Variants in RNF150 observed in about 807,000 individuals in gnomAD.
RNF150 encodes ring finger protein 150.
RNF150 carries 24 observed loss-of-function variants against 39.3 expected under a neutral mutation model. That is an observed-to-expected ratio of 0.61 (90% CI 0.44 to 0.86). RNF150 has a LOEUF of 0.86. Among genes scored for constraint, RNF150 ranks in the 40% least tolerant of loss-of-function variants. RNF150 has a pLI of 0.00. For synonymous variants in RNF150, 255 were observed against 227.3 expected (o/e 1.12, Z -1.10); for missense variants, 502 against 587.8 (o/e 0.85, Z 1.51).
intron 1 of RNF150, among the ~76,000 whole-genome samples, chr4:141,049,694 A>G (rs1411826078): frequency 3.3e-5 from 5 of 152,154 alleles, no homozygotes; most frequent in Non-Finnish European, 5.9e-5. Flanking sequence ...TCTGGAGAAT[A>G]TTTGCTAATT....
chr4:141,124,831 G>A (rs1311719246), intron 1 of RNF150, among the ~76,000 whole-genome samples: 2 of 152,066 alleles, frequency 1.3e-5, no homozygotes, highest in Admixed American at 1.3e-4. Flanking sequence ...TGTCTGCCTA[G>A]AAAACACATG....
At chr4:140,963,466 A>G (rs1277149775) in intron 2 of RNF150, among the ~76,000 whole-genome samples, 1 of 152,104 alleles carries the variant, frequency 6.6e-6, no homozygotes, top group Non-Finnish European at 1.5e-5. Flanking sequence ...AGAATTTTGA[A>G]GTTTATTTTA....
chr4:140,921,888 T>C (rs1394430836), intron 5 of RNF150, among the ~76,000 whole-genome samples: 1 of 152,106 alleles, frequency 6.6e-6, no homozygotes, highest in South Asian at 2.1e-4. Flanking sequence ...TCTGAATAGA[T>C]GCAGAAAAGG....
chr4:140,984,433 G>A lies in RNF150; in HGVS notation c.485-16560C>T, dbSNP rs531717770. ...TTATTCTCTCTATCAGTATTCTTAG[G>A]GCAGGTAGAATTGAATGCATTTTAG... On this transcript the variant is annotated intron_variant, in intron 1 of 6. Coordinates refer to ENST00000515673, the MANE Select transcript of RNF150 (RefSeq NM_020724.2). Among the ~76,000 whole-genome samples the A allele has an allele frequency of 3.9e-5, 6 of 152,190 alleles. No homozygotes were observed. In the South Asian group the frequency reaches 6.2e-4, roughly 16 times the overall value.
chr4:140,863,122 C>A lies in RNF150; in HGVS notation c.*5139G>T, dbSNP rs552021371. The A allele has an allele frequency of 6.6e-6, 1 of 152,164 alleles. No individual in the cohort carries two copies. Among genetic ancestry groups the A allele is most frequent in the Admixed American group, 6.5e-5 (1 of 15,276 alleles). The allele number at this position is 152,164 out of a possible 1,614,324, so 9.4% of individuals were successfully genotyped here. ...CCTCAGATCACTTACGATGAGCAAGCACTTGTGCTAAGTAGTTAGGAAGAA... is the reference window on the plus strand; with the variant it reads ...CCTCAGATCACTTACGATGAGCAAGAACTTGTGCTAAGTAGTTAGGAAGAA... On this transcript the variant is annotated 3_prime_UTR_variant, in exon 7 of 7. Coordinates refer to ENST00000515673, the MANE Select transcript of RNF150 (RefSeq NM_020724.2).
chr4:140,886,343 G>A (rs568866228), intron 6 of RNF150, among the ~76,000 whole-genome samples: 68 of 152,252 alleles, frequency 4.5e-4, no homozygotes, highest in Non-Finnish European at 8.8e-4. Context: ...GTGTTCAGCT[G>A]AGTGGAGTGG....
At chr4:140,913,327 A>G (rs572477708) in intron 5 of RNF150, among the ~76,000 whole-genome samples, 200 of 152,298 alleles carry the variant, frequency 1.3e-3, no homozygotes, top group Non-Finnish European at 2.5e-3. Flanking sequence ...GGAAGGAATT[A>G]CATGCTCCCT....
rs760401430 is a variant in RNF150, at chr4:141,131,972, G to A, written c.484+353C>T. 5.9e-5 allele frequency among the ~76,000 whole-genome samples: 9 copies of A among 152,062 alleles called. No homozygotes were observed. The South Asian group carries it at 8.3e-4, about 14-fold the overall frequency. ...CAGTGCTGTGGTATCAGATCTACTG[G>A]TTCCAAACAGGTGCTGGGCCGGTCA... is the stretch of plus-strand genomic sequence containing the variant. On this transcript the variant is annotated intron_variant, in intron 1 of 6. Coordinates refer to ENST00000515673, the MANE Select transcript of RNF150 (RefSeq NM_020724.2).
intron 1 of RNF150, among the ~76,000 whole-genome samples, chr4:141,072,085 G>A (rs772198460): frequency 3.3e-5 from 5 of 152,218 alleles, no homozygotes; most frequent in African/African-American, 7.2e-5. Context: ...ATCCCAGAGT[G>A]TGGATAATGA....
intron 5 of RNF150, among the ~76,000 whole-genome samples, chr4:140,915,651 C>T (rs7685918): frequency 0.97 from 148,444 of 152,322 alleles, 72,448 homozygotes; most frequent in East Asian, 1. Flanking sequence ...TAAAAATCTT[C>T]AGCAAATCCG....
At chr4:141,085,748 G>GAGACAAGT (rs376391060) in intron 1 of RNF150, among the ~76,000 whole-genome samples, 3 of 152,194 alleles carry the variant, frequency 2.0e-5, no homozygotes, top group African/African-American at 7.2e-5. Flanking sequence ...CACCTATGGT[G>GAGACAAGT]AGACAAGTAT....
At chr4:140,949,784 TG>T (rs1459917120) in intron 2 of RNF150, among the ~76,000 whole-genome samples, 1 of 152,208 alleles carries the variant, frequency 6.6e-6, no homozygotes, top group Non-Finnish European at 1.5e-5. Context: ...CTCCTCTTTT[TG>T]ACAATCAGGA....
intron 5 of RNF150, 46 bp from the exon 6 acceptor site, chr4:140,911,400 T>C (rs1026097647): frequency 6.6e-7 from 1 of 1,524,600 alleles, no homozygotes; most frequent in Non-Finnish European, 9.0e-7. Context: ...GTCATCCACT[T>C]AGAGATTAAA....
intron 1 of RNF150, among the ~76,000 whole-genome samples, chr4:141,173,441 A>G (rs771607720): frequency 4.6e-5 from 7 of 152,240 alleles, no homozygotes; most frequent in South Asian, 2.1e-4. Flanking sequence ...CATTCCCCAC[A>G]ACAACGCTGA....
chr4:141,067,719 G>A (rs994676683), intron 1 of RNF150, among the ~76,000 whole-genome samples: 1 of 152,024 alleles, frequency 6.6e-6, no homozygotes, highest in African/African-American at 2.4e-5. Flanking sequence ...TTACTAAAAG[G>A]TGGTCTTTTA....
intron 6 of RNF150, among the ~76,000 whole-genome samples, chr4:140,868,601 A>T (rs1728810274): frequency 6.6e-6 from 1 of 152,224 alleles, no homozygotes; most frequent in Admixed American, 6.5e-5. Context: ...TCATCTAAGG[A>T]TATGTCTTAG....
intron 6 of RNF150, among the ~76,000 whole-genome samples, chr4:140,893,952 C>T (rs985711008): frequency 1.2e-4 from 18 of 152,178 alleles, no homozygotes; most frequent in South Asian, 2.1e-4. Flanking sequence ...ATTCCCTAAA[C>T]AAGTCCATAG....
At chr4:141,042,726 T>C (rs1736416932) in intron 1 of RNF150, among the ~76,000 whole-genome samples, 1 of 152,110 alleles carries the variant, frequency 6.6e-6, no homozygotes, top group African/African-American at 2.4e-5. Flanking sequence ...TGGATAGATA[T>C]TCTACTTCAT....
chr4:141,126,654 C>G (rs10028355), intron 1 of RNF150, among the ~76,000 whole-genome samples: 122,589 of 152,134 alleles, frequency 0.81, 49,630 homozygotes, highest in East Asian at 1. Flanking sequence ...CCACTGCTCA[C>G]CTCCAGGTAC....
Sources: gnomAD v4.1 joint callset for allele counts (sites outside exome capture counted in the v4.1 genomes callset) on GRCh38, gnomAD v4.1.1 for gene constraint, MANE v1.5 for transcripts, NCBI Gene and HGNC (gene_info 2026-07-23, HGNC 2026-07-21) for gene names.